Variants in NBAS observed in about 807,000 individuals in gnomAD.
NBAS encodes the protein NAG/BC035112 fusion.
In NBAS, 219 loss-of-function variants were observed where a neutral mutation model predicts 302.5. That is an observed-to-expected ratio of 0.72 (90% CI 0.65 to 0.81). The LOEUF (loss-of-function observed/expected upper bound fraction) is 0.81. Ranked by LOEUF, NBAS falls within the 30% of genes least tolerant of loss-of-function variation. The pLI, the probability that NBAS is intolerant of heterozygous loss-of-function variation, is 0.00. For missense variants in NBAS, 2,932 were observed against 2,841.6 expected (o/e 1.03, Z -0.72); for synonymous variants, 1,118 against 1,021.6 (o/e 1.09, Z -1.80).
Position 15,226,240 on chromosome 2 carries a change from C to A in NBAS, c.6236+6182G>T, listed in dbSNP as rs532734145. ...GAGGACTAAGGGAGTTACTGAATAG[C>A]ACCTTTCCAAAGTCTTGGCATAGAG... On this transcript the variant is annotated intron_variant, in intron 47 of 51. Coordinates refer to ENST00000281513, the MANE Select transcript of NBAS (RefSeq NM_015909.4). 9.2e-5 allele frequency among the ~76,000 whole-genome samples: 14 copies of A among 152,272 alleles called. No homozygotes were observed. In the East Asian group the frequency reaches 2.7e-3, roughly 29 times the overall value.
At chr2:15,420,384 G>T (rs1281470301) in intron 23 of NBAS, among the ~76,000 whole-genome samples, 1 of 152,142 alleles carries the variant, frequency 6.6e-6, no homozygotes, top group Admixed American at 6.6e-5. Context: ...GAGTCGCCAG[G>T]CTCTGGGGAA....
chr2:14,923,218 G>T, the NBAS span, among the ~76,000 whole-genome samples: 1 of 152,120 alleles, frequency 6.6e-6, no homozygotes, highest in Non-Finnish European at 1.5e-5. Flanking sequence ...CTTTCATTCA[G>T]TTATTCATTA....
At chr2:15,137,076 C>T in the NBAS span, among the ~76,000 whole-genome samples, 1 of 152,180 alleles carries the variant, frequency 6.6e-6, no homozygotes, top group South Asian at 2.1e-4. Context: ...ACTCCTTGTT[C>T]CCTCCACCAT....
At chr2:15,305,998 A>C (rs181634388) in intron 40 of NBAS, among the ~76,000 whole-genome samples, 174 of 152,338 alleles carry the variant, frequency 1.1e-3, no homozygotes, top group African/African-American at 4.1e-3. Flanking sequence ...GTTTACAATA[A>C]GGTACTATGC....
intron 40 of NBAS, among the ~76,000 whole-genome samples, chr2:15,300,290 T>C (rs1460450893): frequency 6.6e-6 from 1 of 152,160 alleles, no homozygotes; most frequent in East Asian, 1.9e-4. Context: ...GACAACTGAG[T>C]GAAAGCTAAG....
At chr2:15,165,817 C>T (rs975183041), downstream of NBAS, among the ~76,000 whole-genome samples, 1 of 152,176 alleles carries the variant, frequency 6.6e-6, no homozygotes, top group Non-Finnish European at 1.5e-5. Context: ...ATGACTTAAC[C>T]TTGTGCAAAT....
chr2:15,327,892 A>G (rs1227632252), intron 37 of NBAS, 22 bp from the exon 38 acceptor site: 3 of 1,613,086 alleles, frequency 1.9e-6, no homozygotes, highest in African/African-American at 2.7e-5. Flanking sequence ...AAGCAGTTTC[A>G]CTATCTAGTA....
chr2:14,859,306 A>T, the NBAS span, among the ~76,000 whole-genome samples: 1 of 152,048 alleles, frequency 6.6e-6, no homozygotes, highest in African/African-American at 2.4e-5. Context: ...AATACTGATG[A>T]CATTCTTCAC....
the NBAS span, among the ~76,000 whole-genome samples, chr2:15,055,171 G>A: frequency 8.5e-5 from 13 of 152,230 alleles, 1 homozygote; most frequent in Admixed American, 5.2e-4. Flanking sequence ...GGGAAATCAC[G>A]AACAAGCATC....
In NBAS at chr2:15,394,311, G is replaced by C. The variant is rs1675759534; in HGVS notation, c.3173C>G (p.Pro1058Arg). 6.2e-7 allele frequency: 1 copy of C among 1,612,784 alleles called. No individual in the cohort carries two copies. Among genetic ancestry groups the C allele is most frequent in the Admixed American group, 1.7e-5 (1 of 59,938 alleles). Residue 1058 changes from proline (P) to arginine (R), a missense_variant, in exon 28 of 52, where the codon CCA (proline) becomes CGA (arginine). Transcript: ENST00000281513. ...TTGAGTGTTTTTAACAAATGAAATT[G>C]GTTTCTCGAGTCCATGTTTTTCCAA... ...ELLEKHGLEK[P>R]ISFVKNTQSS...
the NBAS span, among the ~76,000 whole-genome samples, chr2:14,958,115 G>A: frequency 6.6e-6 from 1 of 152,208 alleles, no homozygotes; most frequent in African/African-American, 2.4e-5. Context: ...CAGCCAGGCT[G>A]TGAAGTCAGG....
chr2:15,121,734 T>A, the NBAS span, among the ~76,000 whole-genome samples: 9 of 152,044 alleles, frequency 5.9e-5, no homozygotes, highest in Non-Finnish European at 1.2e-4. Flanking sequence ...AAAAAAATTT[T>A]TTTTTTTTTT....
intron 31 of NBAS, among the ~76,000 whole-genome samples, chr2:15,373,667 A>G (rs1307259704): frequency 6.6e-6 from 1 of 152,210 alleles, no homozygotes; most frequent in Admixed American, 6.5e-5. Context: ...TTTAACTTTT[A>G]GTCAAGCCAC....
At chr2:14,976,290 T>C in the NBAS span, among the ~76,000 whole-genome samples, 1 of 152,192 alleles carries the variant, frequency 6.6e-6, no homozygotes, top group African/African-American at 2.4e-5. Flanking sequence ...GCTGACAAGT[T>C]AGCCAGCATT....
chr2:14,794,119 G>T, the NBAS span, among the ~76,000 whole-genome samples: 3 of 152,198 alleles, frequency 2.0e-5, no homozygotes, highest in Non-Finnish European at 4.4e-5. Flanking sequence ...AAGGAAGCCA[G>T]ACAAAGGCAT....
At chr2:15,327,903 G>A in intron 37 of NBAS, 33 bp from the exon 38 acceptor site, 1 of 1,612,566 alleles carries the variant, frequency 6.2e-7, no homozygotes, top group Non-Finnish European at 8.5e-7. Flanking sequence ...CTATCTAGTA[G>A]GGTGCCTTTT....
At chr2:15,398,179 T>C (rs1675968115) in intron 26 of NBAS, among the ~76,000 whole-genome samples, 1 of 152,102 alleles carries the variant, frequency 6.6e-6, no homozygotes. Flanking sequence ...GGTTTTGCTC[T>C]GTCACCTAGG....
intron 38 of NBAS, among the ~76,000 whole-genome samples, chr2:15,326,383 T>C (rs1032525144): frequency 6.6e-6 from 1 of 152,182 alleles, no homozygotes; most frequent in African/African-American, 2.4e-5. Context: ...TATAAACCAA[T>C]GTTTGCGAAT....
chr2:14,832,536 C>T, the NBAS span, among the ~76,000 whole-genome samples: 1 of 152,152 alleles, frequency 6.6e-6, no homozygotes, highest in East Asian at 1.9e-4. Context: ...ACTCCTCCTA[C>T]TCTCTGTGCC....
Sources: allele counts gnomAD v4.1 joint callset (sites outside exome capture counted in the v4.1 genomes callset), GRCh38; gene constraint gnomAD v4.1.1; transcripts MANE v1.5; gene names NCBI Gene and HGNC (gene_info 2026-07-23, HGNC 2026-07-21).